Variants in BRWD1 observed in about 807,000 individuals in gnomAD.
The protein encoded by BRWD1 is bromodomain and WD repeat domain containing 1.
BRWD1 carries 82 observed loss-of-function variants against 251.2 expected under a neutral mutation model. The ratio of observed to expected loss-of-function variants is 0.33; its 90% CI spans 0.27 to 0.39. The LOEUF (loss-of-function observed/expected upper bound fraction) is 0.39, where lower values mean the gene tolerates loss of function less well. Among genes scored for constraint, BRWD1 ranks in the 10% least tolerant of loss-of-function variants. The pLI is 1.00. For missense variants in BRWD1, 2,233 were observed against 2,711.6 expected (o/e 0.82, Z 3.92); for synonymous variants, 918 against 902.8 (o/e 1.02, Z -0.30).
At chr21:39,211,040 T>G in intron 34 of BRWD1, 111 bp from the exon 35 acceptor site, 1 of 1,086,582 alleles carries the variant, frequency 9.2e-7, no homozygotes, top group Non-Finnish European at 1.3e-6. Context: ...TCATATATGT[T>G]GCTCTCAACA....
chr21:39,258,363 T>C, intron 18 of BRWD1, 124 bp downstream of exon 18: 1 of 844,810 alleles, frequency 1.2e-6, no homozygotes. Flanking sequence ...AGACTACTAA[T>C]TAAGTTGTAA....
At chr21:39,312,131 G>A (rs1048918592) in intron 4 of BRWD1, among the ~76,000 whole-genome samples, 1 of 152,134 alleles carries the variant, frequency 6.6e-6, no homozygotes, top group South Asian at 2.1e-4. Context: ...AAGTTATATA[G>A]AAACATTAAC....
At chr21:39,230,269 G>T (rs2033557989) in intron 25 of BRWD1, among the ~76,000 whole-genome samples, 1 of 152,158 alleles carries the variant, frequency 6.6e-6, no homozygotes, top group African/African-American at 2.4e-5. Flanking sequence ...AAATGGATTT[G>T]CCATAGTCAA....
chr21:39,314,223 C>T (rs946506884), upstream of BRWD1: 15 of 455,540 alleles, frequency 3.3e-5, no homozygotes, highest in African/African-American at 2.0e-4. Flanking sequence ...ACCCGCGCTC[C>T]TGGGGCGGGG....
upstream of BRWD1, chr21:39,316,952 G>T (rs1438281411): frequency 6.6e-6 from 1 of 152,158 alleles, no homozygotes; most frequent in African/African-American, 2.4e-5. Context: ...AAAAAGACAC[G>T]ATGACATGAG....
At position 39,202,573 on chromosome 21, in the gene BRWD1, A is replaced by G. The variant is rs762040250; in HGVS notation, c.4365-28T>C. On this transcript the variant is annotated intron_variant, in intron 37 of 40. Transcript: ENST00000342449. The stretch of plus-strand genomic sequence containing the variant: ...GGCCAAACATATGAACAAAGGAAAC[A>G]GTATTTAACAAAATACAAAGATAAT... 6 of 1,499,488 alleles carry G rather than the reference A, an allele frequency of 4.0e-6. No homozygotes were observed. In the South Asian group the frequency reaches 5.9e-5, roughly 15 times the overall value. The allele number at this position is 1,499,488 out of a possible 1,614,324, so 92.9% of individuals were successfully genotyped here. A position where few individuals can be genotyped will look rare whatever the true frequency, so the allele number is the denominator to read the frequency against.
chr21:39,316,400 A>T (rs1405469031), upstream of BRWD1, among the ~76,000 whole-genome samples: 2 of 152,232 alleles, frequency 1.3e-5, no homozygotes, highest in African/African-American at 2.4e-5. Context: ...CAGTGCATAG[A>T]TGACTGTGGG....
At chr21:39,298,108 A>G (rs1487633965) in intron 5 of BRWD1, 1 of 1,012,316 alleles carries the variant, frequency 9.9e-7, no homozygotes, top group Non-Finnish European at 1.2e-6. Context: ...GACACATACA[A>G]TTACATTCAA....
At chr21:39,285,868 C>G (rs1284174869) in intron 8 of BRWD1, among the ~76,000 whole-genome samples, 1 of 14,848 alleles carries the variant, frequency 6.7e-5, no homozygotes, top group Non-Finnish European at 1.5e-4. Context: ...TGAGCCCAGT[C>G]AACAAAAAAA....
At chr21:39,295,180 T>G (rs959513773) in intron 7 of BRWD1, among the ~76,000 whole-genome samples, 1 of 50,932 alleles carries the variant, frequency 2.0e-5, no homozygotes, top group Admixed American at 1.8e-4. Context: ...TCTATGTTTT[T>G]TTTTTTTTTT....
intron 23 of BRWD1, among the ~76,000 whole-genome samples, chr21:39,234,870 T>C (rs1400153395): frequency 6.6e-6 from 1 of 152,186 alleles, no homozygotes; most frequent in Non-Finnish European, 1.5e-5. Context: ...GAGGGAGCAG[T>C]ATGGAGTACA....
intron 36 of BRWD1, among the ~76,000 whole-genome samples, chr21:39,208,912 C>T (rs1010406316): frequency 1.3e-5 from 2 of 151,262 alleles, no homozygotes; most frequent in African/African-American, 2.4e-5. Flanking sequence ...TAACCTTCTA[C>T]TGAAACTGCA....
intron 23 of BRWD1, among the ~76,000 whole-genome samples, chr21:39,234,351 T>C (rs2033733351): frequency 6.6e-6 from 1 of 152,166 alleles, no homozygotes; most frequent in Non-Finnish European, 1.5e-5. Context: ...ATTTAGAATC[T>C]TTTTTACTGT....
Position 39,258,566 on chromosome 21 carries a change from C to T in BRWD1, c.1992G>A (p.Gln664=), listed in dbSNP as rs992906110. The T allele has an allele frequency of 1.9e-6, 3 of 1,613,454 alleles. No homozygotes were observed. The highest frequency in any genetic ancestry group is 2.7e-5 in the African/African-American group (2 of 74,900). Residue 664 remains glutamine (Q), a synonymous_variant, in exon 18 of 41, where the codon CAG becomes CAA. Coordinates refer to ENST00000342449, the MANE Select transcript of BRWD1 (RefSeq NM_033656.4). ...ILDGMIRQLQ[Q]QQDQRMGADQ... The stretch of plus-strand genomic sequence containing the variant: ...CTGCTCCCATTCTCTGATCTTGCTG[C>T]TGCTGCAACTGTCTTATCATTCCAT...
At chr21:39,254,508 G>A (rs1264032381) in intron 19 of BRWD1, among the ~76,000 whole-genome samples, 1 of 152,110 alleles carries the variant, frequency 6.6e-6, no homozygotes, top group East Asian at 1.9e-4. Context: ...CCAGCTATTT[G>A]ATTTATACAT....
intron 13 of BRWD1, among the ~76,000 whole-genome samples, chr21:39,273,555 C>G (rs2035184902): frequency 6.6e-6 from 1 of 152,060 alleles, no homozygotes; most frequent in Non-Finnish European, 1.5e-5. Context: ...TGAGCCTGAA[C>G]AAAAGTCTTT....
chr21:39,258,625 TATC>T lies in BRWD1; in HGVS notation c.1930_1932del (p.Asp644del). The stretch of plus-strand genomic sequence containing the variant: ...CTCGATTCTGGGCTGCGTTCATCAT[TATC>T]ATTGGTTTGCAGGCTTATAATTTGT... On this transcript the variant is annotated inframe_deletion, in exon 18 of 41. Coordinates refer to ENST00000342449, the MANE Select transcript of BRWD1 (RefSeq NM_033656.4). The T allele has an allele frequency of 6.2e-7, 1 of 1,611,230 alleles. No individual in the cohort carries two copies. Among genetic ancestry groups the T allele is most frequent in the South Asian group, 1.1e-5 (1 of 90,608 alleles).
chr21:39,272,656 G>T, intron 13 of BRWD1, among the ~76,000 whole-genome samples: 1 of 148,760 alleles, frequency 6.7e-6, no homozygotes, highest in Non-Finnish European at 1.5e-5. Context: ...CGCCCAGGCT[G>T]GGGTGTAGTG....
chr21:39,296,488 C>T, intron 5 of BRWD1, 125 bp from the exon 6 acceptor site: 1 of 1,270,250 alleles, frequency 7.9e-7, no homozygotes, highest in Non-Finnish European at 1.0e-6. Context: ...TATACTTTAA[C>T]AGAAAAGCCC....
Sources: allele counts gnomAD v4.1 joint callset (sites outside exome capture counted in the v4.1 genomes callset), GRCh38; gene constraint gnomAD v4.1.1; transcripts MANE v1.5; gene names NCBI Gene and HGNC (gene_info 2026-07-23, HGNC 2026-07-21).